The following MIX23 variants were observed in gnomAD, a reference collection of about 807,000 sequenced individuals.
The protein encoded by MIX23 is protein MIX23.
MIX23 carries 13 observed loss-of-function variants against 21.6 expected under a neutral mutation model. The ratio of observed to expected loss-of-function variants is 0.60; its 90% CI spans 0.39 to 0.96. The LOEUF (loss-of-function observed/expected upper bound fraction) is 0.96, where lower values mean the gene tolerates loss of function less well. Among genes scored for constraint, MIX23 ranks in the 40% least tolerant of loss-of-function variants. MIX23 has a pLI of 0.00. For missense variants in MIX23, 144 were observed against 171.2 expected, an observed-to-expected ratio of 0.84 and a Z score of 0.89; for synonymous variants, 59 against 58.0, an observed-to-expected ratio of 1.02 and a Z score of -0.08.
chr3:122,382,703 A>T (rs2075543279), intron 1 of MIX23, among the ~76,000 whole-genome samples: 1 of 152,220 alleles, frequency 6.6e-6, no homozygotes, highest in South Asian at 2.1e-4. Context: ...ACTATAATTA[A>T]TCCTCCCTCC....
intron 3 of MIX23, chr3:122,366,323 A>G (rs2075396505): frequency 6.6e-6 from 1 of 152,280 alleles, no homozygotes; most frequent in South Asian, 2.1e-4. Flanking sequence ...ATGAGCAGGT[A>G]TGGAATACAG....
intron 3 of MIX23, chr3:122,367,770 T>C (rs1262867317): frequency 5.4e-6 from 1 of 186,074 alleles, no homozygotes; most frequent in African/African-American, 2.4e-5. Context: ...ACAATGAAAC[T>C]GGAGCTATTT....
intron 1 of MIX23, among the ~76,000 whole-genome samples, chr3:122,372,184 G>A (rs1259758313): frequency 1.6e-5 from 2 of 123,212 alleles, no homozygotes; most frequent in Non-Finnish European, 3.2e-5. Flanking sequence ...TAGCTCATAT[G>A]TTCCAAGGAT....
chr3:122,370,497 T>A (rs1035057939), intron 2 of MIX23, among the ~76,000 whole-genome samples: 1 of 149,270 alleles, frequency 6.7e-6, no homozygotes, highest in Non-Finnish European at 1.5e-5. Flanking sequence ...GCAGAGGTTA[T>A]GTGACATAAT....
intron 1 of MIX23, among the ~76,000 whole-genome samples, chr3:122,376,592 C>A (rs886933940): frequency 6.6e-6 from 1 of 152,102 alleles, no homozygotes; most frequent in Non-Finnish European, 1.5e-5. Flanking sequence ...GCACTCCAGC[C>A]TGGGAAACAA....
In MIX23 at chr3:122,359,617, T is replaced by G. The variant is rs925251028; in HGVS notation, c.*252A>C. 6 of 297,876 alleles carry G rather than the reference T, an allele frequency of 2.0e-5. No homozygotes were observed. Among genetic ancestry groups the G allele is most frequent in the Non-Finnish European group, 3.0e-5 (5 of 167,884 alleles). The allele number at this position is 297,876 out of a possible 1,614,324, so 18.5% of individuals were successfully genotyped here. A position where few individuals can be genotyped will look rare whatever the true frequency, so the allele number is the denominator to read the frequency against. ...ACACTGAGTCAGAAAATTATTTTAA[T>G]AGTTACAAAAATTTTTTTTTTTTTT... On this transcript the variant is annotated 3_prime_UTR_variant, in exon 5 of 5. Coordinates refer to ENST00000291458, the MANE Select transcript of MIX23 (RefSeq NM_001017928.4).
intron 1 of MIX23, 39 bp downstream of exon 1, chr3:122,383,135 A>C: frequency 6.2e-7 from 1 of 1,613,080 alleles, no homozygotes; most frequent in Non-Finnish European, 8.5e-7. Flanking sequence ...TGGGGACAAA[A>C]GGAGGCACAT....
intron 1 of MIX23, among the ~76,000 whole-genome samples, chr3:122,374,789 G>T (rs2075471022): frequency 1.3e-5 from 2 of 152,038 alleles, no homozygotes; most frequent in Admixed American, 6.6e-5. Flanking sequence ...TTAAACAAGT[G>T]TCCTATAAAC....
At chr3:122,378,139 A>G (rs1020110640) in intron 1 of MIX23, among the ~76,000 whole-genome samples, 1 of 152,242 alleles carries the variant, frequency 6.6e-6, no homozygotes, top group African/African-American at 2.4e-5. Context: ...TGCTTAGATT[A>G]AAGTGGACTG....
intron 3 of MIX23, among the ~76,000 whole-genome samples, chr3:122,367,404 C>T (rs564633638): frequency 2.6e-5 from 4 of 152,154 alleles, no homozygotes; most frequent in Admixed American, 6.5e-5. Context: ...TTCCTTGACA[C>T]GTCACATACA....
At chr3:122,374,211 C>T (rs142594517) in intron 1 of MIX23, among the ~76,000 whole-genome samples, 54 of 151,270 alleles carry the variant, frequency 3.6e-4, no homozygotes, top group African/African-American at 1.2e-3. Context: ...TAAGTTGTGC[C>T]TTTTGGATAG....
chr3:122,377,150 C>T (rs1181225765), intron 1 of MIX23, among the ~76,000 whole-genome samples: 1 of 152,210 alleles, frequency 6.6e-6, no homozygotes, highest in Non-Finnish European at 1.5e-5. Flanking sequence ...CACTGTACTC[C>T]AGCCTGGGTG....
chr3:122,370,456 CA>C (rs10660235), intron 2 of MIX23, among the ~76,000 whole-genome samples: 78 of 48,272 alleles, frequency 1.6e-3, no homozygotes, highest in East Asian at 8.1e-3. Context: ...GACACTGTCT[CA>C]AAAAAAAAAA....
chr3:122,369,884 G>A (rs566658338), intron 2 of MIX23, among the ~76,000 whole-genome samples: 1 of 152,202 alleles, frequency 6.6e-6, no homozygotes, highest in Non-Finnish European at 1.5e-5. Context: ...CAGGTAGCTG[G>A]GACTATAGGC....
chr3:122,372,025 A>G (rs145081561), intron 1 of MIX23, among the ~76,000 whole-genome samples: 56 of 152,242 alleles, frequency 3.7e-4, no homozygotes, highest in African/African-American at 1.3e-3. Context: ...CCTTGGCTCA[A>G]ATGTGATTGT....
intron 4 of MIX23, 84 bp downstream of exon 4, chr3:122,362,884 A>C: frequency 1.9e-6 from 2 of 1,072,850 alleles, no homozygotes; most frequent in South Asian, 2.6e-5. Flanking sequence ...GCCTCAAGGC[A>C]CTCTTTACTC....
At chr3:122,380,920 T>TCTCAC (rs2075526372) in intron 1 of MIX23, among the ~76,000 whole-genome samples, 1 of 152,146 alleles carries the variant, frequency 6.6e-6, no homozygotes, top group Non-Finnish European at 1.5e-5. Context: ...TCTTCGATCA[T>TCTCAC]CTCACCCCTC....
intron 3 of MIX23, among the ~76,000 whole-genome samples, chr3:122,365,785 T>C (rs1020371460): frequency 2.6e-5 from 4 of 152,346 alleles, no homozygotes; most frequent in East Asian, 1.9e-4. Context: ...GTTTCCAATT[T>C]AACAGCCTTT....
At chr3:122,370,004 C>T (rs1178876019) in intron 2 of MIX23, among the ~76,000 whole-genome samples, 3 of 152,196 alleles carry the variant, frequency 2.0e-5, no homozygotes, top group Non-Finnish European at 4.4e-5. Context: ...CTCACCTCAG[C>T]CTCCCAAAGT....
Sources: gnomAD v4.1 joint callset for allele counts (sites outside exome capture counted in the v4.1 genomes callset) on GRCh38, gnomAD v4.1.1 for gene constraint, MANE v1.5 for transcripts, NCBI Gene and HGNC (gene_info 2026-07-23, HGNC 2026-07-21) for gene names.